BTBD7: variants seen among roughly 807,000 people sequenced by gnomAD.
The protein encoded by BTBD7 is BTB domain containing 7.
Under a neutral mutation model 99.9 loss-of-function variants are expected in BTBD7, and 38 were observed. The ratio of observed to expected loss-of-function variants is 0.38; its 90% CI spans 0.29 to 0.50. The LOEUF (loss-of-function observed/expected upper bound fraction) is 0.50, where lower values mean the gene tolerates loss of function less well. Among genes scored for constraint, BTBD7 ranks in the 20% least tolerant of loss-of-function variants. BTBD7 has a pLI of 0.93. For missense variants in BTBD7, 1,170 were observed against 1,394.6 expected (o/e 0.84, Z 2.57); for synonymous variants, 520 against 511.4 (o/e 1.02, Z -0.23).
At chr14:93,295,399 G>C (rs957514797) in intron 2 of BTBD7, among the ~76,000 whole-genome samples, 1 of 152,020 alleles carries the variant, frequency 6.6e-6, no homozygotes, top group African/African-American at 2.4e-5. Context: ...TAAAGTGCTG[G>C]GATTACAGGT....
At chr14:93,314,267 C>T (rs1040257432) in intron 1 of BTBD7, among the ~76,000 whole-genome samples, 3 of 151,826 alleles carry the variant, frequency 2.0e-5, no homozygotes, top group African/African-American at 7.3e-5. Context: ...AAACCCAAAC[C>T]AGTGAAGAAA....
Position 93,296,077 on chromosome 14 carries a change from T to C in BTBD7, c.-26A>G, listed in dbSNP as rs1389805346. ...TTTCTTCAGTCACTCAGGCATTCCG[T>C]CTGCGGGTTCTTCAGAGTATAATCC... On this transcript the variant is annotated 5_prime_UTR_variant, in exon 2 of 11. Coordinates refer to ENST00000334746, the MANE Select transcript of BTBD7 (RefSeq NM_001002860.4). The C allele has an allele frequency of 3.7e-6, 6 of 1,610,824 alleles. No individual in the cohort carries two copies. In the East Asian group the frequency reaches 1.3e-4, roughly 36 times the overall value.
intron 1 of BTBD7, among the ~76,000 whole-genome samples, chr14:93,317,574 T>C (rs1036900778): frequency 1.3e-5 from 2 of 152,076 alleles, no homozygotes; most frequent in East Asian, 1.9e-4. Flanking sequence ...AAAGTGATAA[T>C]TGATTTTTTA....
intron 7 of BTBD7, among the ~76,000 whole-genome samples, chr14:93,252,531 T>TC (rs2052381134): frequency 6.6e-6 from 1 of 151,384 alleles, no homozygotes; most frequent in South Asian, 2.1e-4. Flanking sequence ...TAGTTTTTTT[T>TC]TTTTTTAATT....
chr14:93,293,458 T>G (rs2052882706), intron 3 of BTBD7, among the ~76,000 whole-genome samples: 1 of 152,220 alleles, frequency 6.6e-6, no homozygotes, highest in African/African-American at 2.4e-5. Context: ...TTGTAATGAA[T>G]TTTTATTCTT....
At chr14:93,260,272 T>G (rs1002070601) in intron 5 of BTBD7, among the ~76,000 whole-genome samples, 22 of 152,186 alleles carry the variant, frequency 1.4e-4, no homozygotes, top group African/African-American at 4.8e-4. Flanking sequence ...TATATCTAAA[T>G]AAAACTATCG....
At chr14:93,309,764 A>G (rs1172605203) in intron 1 of BTBD7, among the ~76,000 whole-genome samples, 1 of 152,212 alleles carries the variant, frequency 6.6e-6, no homozygotes. Context: ...ATCTCCTAGC[A>G]TTCAAACACA....
intron 5 of BTBD7, among the ~76,000 whole-genome samples, chr14:93,260,797 C>A (rs1403374467): frequency 6.6e-6 from 1 of 152,110 alleles, no homozygotes; most frequent in African/African-American, 2.4e-5. Context: ...AGGTGATCCG[C>A]CCGCCTCGGC....
chr14:93,322,235 C>T lies in BTBD7; in HGVS notation c.-107+10585G>A, dbSNP rs11845118. On this transcript the variant is annotated intron_variant, in intron 1 of 10. Transcript: ENST00000334746. ...TCAAGCGATCCTTCCACCTCAGCCT[C>T]TCGAATAGCTAAGAACTACAGGTAC... Among the ~76,000 whole-genome samples the T allele has an allele frequency of 1.0e-3, 155 of 152,234 alleles. No individual in the cohort carries two copies. In the Middle Eastern group the frequency reaches 0.01, roughly 10 times the overall value.
chr14:93,260,358 A>T (rs2052473744), intron 5 of BTBD7, among the ~76,000 whole-genome samples: 1 of 152,176 alleles, frequency 6.6e-6, no homozygotes, highest in Admixed American at 6.5e-5. Flanking sequence ...TACATAAAGG[A>T]ATACAACGAT....
At chr14:93,332,173 AAT>A (rs1249650176) in intron 1 of BTBD7, 14 of 152,328 alleles carry the variant, frequency 9.2e-5, no homozygotes, top group African/African-American at 3.4e-4. Flanking sequence ...AAGGTACTGA[AAT>A]ATGCACACTT....
In BTBD7 at chr14:93,300,754, GTGTGTGTGTGTGTGTGTGTATATA is replaced by G. The variant is rs1566857102; in HGVS notation, c.-106-4621_-106-4598del. ...TGTGTGTGTGTGTGTGTGTGTGTGT[GTGTGTGTGTGTGTGTGTGTATATA>G]TATATATATTTTTTTTTTGTAGAGA... On this transcript the variant is annotated intron_variant, in intron 1 of 10. Transcript: ENST00000334746. Among the ~76,000 whole-genome samples the G allele has an allele frequency of 3.0e-3, 167 of 56,248 alleles. 7 individuals are homozygous for G. Among genetic ancestry groups the G allele is most frequent in the Middle Eastern group, 7.5e-3 (1 of 134 alleles). The allele number at this position is 56,248 out of a possible 152,430, so 36.9% of individuals were successfully genotyped here.
chr14:93,255,621 G>A (rs2052421000), intron 6 of BTBD7: 1 of 150,272 alleles, frequency 6.7e-6, no homozygotes, highest in Non-Finnish European at 1.5e-5. Flanking sequence ...TCAGCCTCTC[G>A]AGCAGCTGGG....
chr14:93,244,087 A>G (rs756257318), intron 10 of BTBD7: 3 of 478,210 alleles, frequency 6.3e-6, no homozygotes, highest in Admixed American at 4.3e-5. Flanking sequence ...GACACAGTAG[A>G]GGAAGGGCAA....
intron 5 of BTBD7, among the ~76,000 whole-genome samples, chr14:93,258,078 C>G (rs561103639): frequency 1.3e-5 from 2 of 151,934 alleles, no homozygotes; most frequent in Non-Finnish European, 2.9e-5. Flanking sequence ...TTAATCATGG[C>G]TTTAATCTAG....
At chr14:93,280,282 T>C (rs2052703749) in intron 3 of BTBD7, among the ~76,000 whole-genome samples, 1 of 152,224 alleles carries the variant, frequency 6.6e-6, no homozygotes, top group Admixed American at 6.5e-5. Flanking sequence ...CCATGTACTT[T>C]CCAGAGAAAA....
chr14:93,272,380 G>A lies in BTBD7; in HGVS notation c.1163-8387C>T, dbSNP rs138507157. ...ATTACACTGGAAATTGGGGAGAAATGTGTCTACACAGTACCCTATAAATCT... is the reference window on the plus strand; with the variant it reads ...ATTACACTGGAAATTGGGGAGAAATATGTCTACACAGTACCCTATAAATCT... On this transcript the variant is annotated intron_variant, in intron 3 of 10. Transcript: ENST00000334746. Among the ~76,000 whole-genome samples, 127 of 152,326 alleles carry A rather than the reference G, an allele frequency of 8.3e-4. 1 individual carries two copies. In the South Asian group the frequency reaches 0.026, roughly 31 times the overall value.
intron 3 of BTBD7, among the ~76,000 whole-genome samples, chr14:93,277,808 G>A (rs992458665): frequency 6.6e-6 from 1 of 152,142 alleles, no homozygotes; most frequent in Admixed American, 6.5e-5. Flanking sequence ...GGGAAGGGAG[G>A]GAGCGTAGTC....
chr14:93,257,252 T>TA lies in BTBD7; in HGVS notation c.1550dup (p.Leu517PhefsTer7). 6.2e-7 allele frequency: 1 copy of TA among 1,614,180 alleles called. No homozygotes were observed. The highest frequency in any genetic ancestry group is 8.5e-7 in the Non-Finnish European group (1 of 1,180,010). On this transcript the variant is annotated frameshift_variant, in exon 6 of 11. Transcript: ENST00000334746. LOFTEE classifies it high-confidence loss of function. ...AGATGTGTTCAATTCGCACAAAAGG[T>TA]AAGAGAGAAGAAAGGATCTCTCTGA...
Sources: allele counts gnomAD v4.1 joint callset (sites outside exome capture counted in the v4.1 genomes callset), GRCh38; gene constraint gnomAD v4.1.1; transcripts MANE v1.5; gene names NCBI Gene and HGNC (gene_info 2026-07-23, HGNC 2026-07-21).